The following NIN variants were observed in gnomAD, a reference collection of about 807,000 sequenced individuals.
NIN encodes the protein glycogen synthase kinase 3 beta-interacting protein.
NIN carries 137 observed loss-of-function variants against 257.6 expected under a neutral mutation model. That is an observed-to-expected ratio of 0.53 (90% CI 0.46 to 0.61). NIN has a LOEUF of 0.61. Among genes scored for constraint, NIN ranks in the 20% least tolerant of loss-of-function variants. NIN has a pLI of 0.00. For synonymous variants in NIN, 918 were observed against 919.8 expected (o/e 1.00, Z 0.04); for missense variants, 2,439 against 2,501.2 (o/e 0.98, Z 0.53).
chr14:50,792,453 G>A lies in NIN; in HGVS notation c.435+259C>T, dbSNP rs2043638458. ...GAAGTGGGAGACCTCAGATGATGTG[G>A]AAATACCTGAACTCTAAATGTGTAC... On this transcript the variant is annotated intron_variant, in intron 5 of 30. Transcript: ENST00000530997. The A allele has an allele frequency of 6.7e-6, 3 of 444,546 alleles. No homozygotes were observed. The East Asian group carries it at 1.1e-4, about 17-fold the overall frequency. The allele number at this position is 444,546 out of a possible 1,614,324, so 27.5% of individuals were successfully genotyped here. A position where few individuals can be genotyped will look rare whatever the true frequency, so the allele number is the denominator to read the frequency against.
intron 2 of NIN, among the ~76,000 whole-genome samples, chr14:50,827,591 C>A (rs1171349951): frequency 4.4e-5 from 6 of 137,092 alleles, no homozygotes; most frequent in Admixed American, 7.3e-5. Flanking sequence ...ACTAAAAATA[C>A]AAAAAAAAAA....
chr14:50,768,732 GGGTGGTAACA>G (rs2042606853), intron 12 of NIN, among the ~76,000 whole-genome samples: 1 of 152,128 alleles, frequency 6.6e-6, no homozygotes, highest in African/African-American at 2.4e-5. Flanking sequence ...TTTTTGCAAA[GGGTGGTAACA>G]GCATGATTGT....
chr14:50,772,798 T>C (rs2042786836), intron 8 of NIN, 151 bp downstream of exon 8: 3 of 695,750 alleles, frequency 4.3e-6, no homozygotes. Flanking sequence ...ACCCAACCTT[T>C]CCTTCCTAAT....
chr14:50,786,087 T>C (rs190157693), intron 5 of NIN, among the ~76,000 whole-genome samples: 26 of 152,326 alleles, frequency 1.7e-4, no homozygotes, highest in Admixed American at 1.6e-3. Context: ...AAAAAGCCTT[T>C]GGTACTGCTG....
At chr14:50,789,918 G>C (rs2043513506) in intron 5 of NIN, among the ~76,000 whole-genome samples, 1 of 152,218 alleles carries the variant, frequency 6.6e-6, no homozygotes, top group Non-Finnish European at 1.5e-5. Flanking sequence ...CTGATGCATT[G>C]ACAAGGCTGT....
intron 3 of NIN, among the ~76,000 whole-genome samples, chr14:50,815,949 T>G (rs59394355): frequency 0.14 from 20,658 of 152,108 alleles, 1,651 homozygotes; most frequent in East Asian, 0.35. Context: ...GAGGTTGCAG[T>G]GAGCTGAGAT....
At chr14:50,749,775 G>A (rs1009744084) in intron 21 of NIN, among the ~76,000 whole-genome samples, 5 of 151,928 alleles carry the variant, frequency 3.3e-5, no homozygotes, top group Non-Finnish European at 4.4e-5. Context: ...CTGCAGCCTC[G>A]ACCTCCCAGG....
At position 50,726,034 on chromosome 14, in the gene NIN, C is replaced by T. The variant is rs2040396719; in HGVS notation, c.6111G>A (p.Glu2037=). 1.2e-6 allele frequency: 2 copies of T among 1,613,902 alleles called. No individual in the cohort carries two copies. Among genetic ancestry groups the T allele is most frequent in the African/African-American group, 1.3e-5 (1 of 75,026 alleles). ...GNQEQLVTVM[E]ERMIEVEQKL... is the part of the protein sequence containing the mutation. ...TCTGTTCAACTTCTATCATTCGTTC[C>T]TCCATGACAGTTACCAGTTGTTCCT... Residue 2037 remains glutamate (E), a synonymous_variant, in exon 30 of 31, where the codon GAG becomes GAA. Coordinates refer to ENST00000530997, the MANE Select transcript of NIN (RefSeq NM_020921.4).
intron 2 of NIN, among the ~76,000 whole-genome samples, chr14:50,824,134 G>A (rs554449640): frequency 6.6e-6 from 1 of 152,234 alleles, no homozygotes; most frequent in Non-Finnish European, 1.5e-5. Context: ...TTGCATATAT[G>A]TTTAAAAACT....
chr14:50,771,295 A>C (rs774403978), intron 10 of NIN, 37 bp downstream of exon 10: 1 of 1,606,698 alleles, frequency 6.2e-7, no homozygotes, highest in Non-Finnish European at 8.5e-7. Context: ...ACAAGTAGGA[A>C]AGGGAATGGG....
intron 3 of NIN, among the ~76,000 whole-genome samples, chr14:50,815,603 C>A (rs1006573531): frequency 1.3e-5 from 2 of 152,144 alleles, no homozygotes; most frequent in African/African-American, 4.8e-5. Flanking sequence ...ATGTTCATTG[C>A]AGCACTATTC....
chr14:50,785,965 CCT>C (rs1361305815), intron 5 of NIN, among the ~76,000 whole-genome samples: 13 of 152,180 alleles, frequency 8.5e-5, no homozygotes, highest in Non-Finnish European at 1.5e-4. Flanking sequence ...CAAATCAGTG[CCT>C]TTATCTTTAA....
At chr14:50,741,541 C>T (rs1213631106) in intron 25 of NIN, 41 bp downstream of exon 25, 4 of 1,578,748 alleles carry the variant, frequency 2.5e-6, no homozygotes, top group Non-Finnish European at 3.5e-6. Context: ...GTATACTTTA[C>T]TGTAAATAAC....
Position 50,752,649 on chromosome 14 carries a change from G to A in NIN, c.4819C>T (p.Leu1607=), listed in dbSNP as rs763756947. The change falls in exon 21 of 31, where the codon CTG becomes TTG. Residue 1607 remains leucine, a synonymous_variant. Transcript: ENST00000530997. ...SQKNSQNQEK[L]QELNQRLTEM... The stretch of plus-strand genomic sequence containing the variant: ...GTTAGACGTTGATTAAGTTCTTGCA[G>A]TTTTTCCTGGTTTTGAGAGTTCTTT... The A allele has an allele frequency of 3.7e-6, 6 of 1,613,602 alleles. No homozygotes were observed. The highest frequency in any genetic ancestry group is 5.1e-6 in the Non-Finnish European group (6 of 1,179,778).
chr14:50,763,914 A>T lies in NIN; in HGVS notation c.1686T>A (p.Arg562=). The T allele has an allele frequency of 3.1e-6, 5 of 1,614,132 alleles. No individual in the cohort carries two copies. Among genetic ancestry groups the T allele is most frequent in the Non-Finnish European group, 4.2e-6 (5 of 1,179,976 alleles). Residue 562 remains arginine (R), a synonymous_variant, in exon 15 of 31, where the codon CGT becomes CGA. Coordinates refer to ENST00000530997, the MANE Select transcript of NIN (RefSeq NM_020921.4). ...DELQSELEEY[R]AQGRVLRLPL... The stretch of plus-strand genomic sequence containing the variant: ...GAAGCCTGAGCACTCTGCCTTGTGC[A>T]CGATATTCTTCCAGCTCAGACTGGA...
At position 50,757,381 on chromosome 14, in the gene NIN, C is replaced by T. The variant is rs2042077954; in HGVS notation, c.3649G>A (p.Ala1217Thr). 6.2e-7 allele frequency: 1 copy of T among 1,613,906 alleles called. No individual in the cohort carries two copies. The highest frequency in any genetic ancestry group is 1.1e-5 in the South Asian group (1 of 91,044). ...AGTAGGTCCTGTTTCTTTTCAGAAG[C>T]TCGATCACAGTCCGCACATAACATC... is the stretch of plus-strand genomic sequence containing the variant. ...LMMLCADCDR[A>T]SEKKQDLLFD... Residue 1217 changes from alanine to threonine, a missense_variant, in exon 18 of 31, where the codon GCT (alanine) becomes ACT (threonine). By Grantham distance (58) the Ala-to-Thr change is moderately conservative. This residue lies in a region of NIN where 2,043 missense variants were observed against 2,050.2 expected (regional missense o/e 1.00). Coordinates refer to ENST00000530997, the MANE Select transcript of NIN (RefSeq NM_020921.4).
Position 50,828,945 on chromosome 14 carries a change from A to T in NIN, c.-22+1519T>A, listed in dbSNP as rs116055362. ...TTCTGAGCAAGTGCCTATTAAAATG[A>T]CTGATCCTTGACATTTTAATGCAGA... On this transcript the variant is annotated intron_variant, in intron 2 of 30. Coordinates refer to ENST00000530997, the MANE Select transcript of NIN (RefSeq NM_020921.4). 3.5e-3 allele frequency among the ~76,000 whole-genome samples: 532 copies of T among 152,150 alleles called. 3 individuals carry two copies. Among genetic ancestry groups the T allele is most frequent in the African/African-American group, 0.012 (506 of 41,384 alleles).
At chr14:50,799,720 GCCTGTAATC>G (rs1478913197) in intron 4 of NIN, among the ~76,000 whole-genome samples, 3 of 152,120 alleles carry the variant, frequency 2.0e-5, no homozygotes, top group Non-Finnish European at 2.9e-5. Context: ...CATGGCTCAC[GCCTGTAATC>G]CCAGCACTTT....
intron 2 of NIN, chr14:50,823,333 T>C (rs975443335): frequency 7.5e-6 from 4 of 535,296 alleles, no homozygotes; most frequent in Admixed American, 4.6e-5. Flanking sequence ...AACCAGTCCT[T>C]TGACTATAAA....
Sources: allele counts gnomAD v4.1 joint callset (sites outside exome capture counted in the v4.1 genomes callset), GRCh38; gene constraint gnomAD v4.1.1; regional missense constraint gnomAD v4.1.1; transcripts MANE v1.5; gene names NCBI Gene and HGNC (gene_info 2026-07-23, HGNC 2026-07-21).